The following CEP85 variants were observed in gnomAD, a reference collection of about 807,000 sequenced individuals.
CEP85 encodes the protein centrosomal protein of 85 kDa.
Under a neutral mutation model 93.7 loss-of-function variants are expected in CEP85, and 58 were observed. The observed-to-expected ratio is 0.62, with a 90% CI of 0.50 to 0.77. The LOEUF is 0.77. Among genes scored for constraint, CEP85 ranks in the 30% least tolerant of loss-of-function variants. The pLI is 0.00. For synonymous variants in CEP85, 314 were observed against 338.6 expected (o/e 0.93, Z 0.80); for missense variants, 868 against 922.0 (o/e 0.94, Z 0.76).
rs545783861 is a variant in CEP85 at position 26,271,048 on chromosome 1, G to A, written c.1684G>A (p.Gly562Arg). 3 of 1,613,538 alleles carry A rather than the reference G, an allele frequency of 1.9e-6. No homozygotes were observed. The East Asian group carries it at 6.7e-5, about 36-fold the overall frequency. The change falls in exon 10 of 14, where the codon GGA (glycine) becomes AGA (arginine). Residue 562 changes from glycine (G) to arginine (R), a missense_variant. Physicochemically the swap from Gly to Arg is moderately radical, Grantham distance 125. Transcript: ENST00000451429. The stretch of plus-strand genomic sequence containing the variant: ...TAAACAGTCTGTGGAGGAGACCAGT[G>A]GAGAAGGTCCAGAAGTGGAAATGGA... Reference protein sequence around the residue: ...QDKQSVEETSGEGPEVEMESW... With the variant: ...QDKQSVEETSREGPEVEMESW...
At chr1:26,255,122 A>C (rs1431916932) in intron 3 of CEP85, 49 bp from the exon 4 acceptor site, 1 of 1,488,320 alleles carries the variant, frequency 6.7e-7, no homozygotes, top group Non-Finnish European at 9.3e-7. Flanking sequence ...CAAACTCAAG[A>C]AAGCTTGCTA....
Position 26,239,695 on chromosome 1 carries a change from T to G in CEP85, c.-22-67T>G. ...TATGGTTTTGACAGTTTCAGTTGAA[T>G]GGGAACTGAGTTGCGGGGAATTAAA... On this transcript the variant is annotated intron_variant, in intron 1 of 13. Coordinates refer to ENST00000451429, the MANE Select transcript of CEP85 (RefSeq NM_001319944.2). 5 of 976,482 alleles carry G rather than the reference T, an allele frequency of 5.1e-6. No homozygotes were observed. The South Asian group carries it at 6.4e-5, about 13-fold the overall frequency. The allele number at this position is 976,482 out of a possible 1,614,324, so 60.5% of individuals were successfully genotyped here. A position where few individuals can be genotyped will look rare whatever the true frequency, so the allele number is the denominator to read the frequency against.
intron 7 of CEP85, among the ~76,000 whole-genome samples, chr1:26,262,517 C>A (rs1363367349): frequency 2.0e-5 from 3 of 150,656 alleles, no homozygotes; most frequent in African/African-American, 7.3e-5. Context: ...AGGCGGGGGG[C>A]GGGGGATGTG....
chr1:26,249,031 C>T (rs2089559863), intron 3 of CEP85, among the ~76,000 whole-genome samples: 2 of 151,398 alleles, frequency 1.3e-5, no homozygotes, highest in Admixed American at 6.6e-5. Context: ...CAGGCCTAGA[C>T]ATTTTTTAAA....
Position 26,257,696 on chromosome 1 carries a change from C to T in CEP85, c.1003C>T (p.His335Tyr), listed in dbSNP as rs772525914. The T allele has an allele frequency of 1.2e-6, 2 of 1,614,150 alleles. No homozygotes were observed. The highest frequency in any genetic ancestry group is 2.7e-5 in the African/African-American group (2 of 75,032). The change falls in exon 5 of 14, where the codon CAC (histidine) becomes TAC (tyrosine). Residue 335 changes from histidine to tyrosine, a missense_variant. Transcript: ENST00000451429. The stretch of plus-strand genomic sequence containing the variant: ...GATCAGCATCTTGAACAGTAATGAA[C>T]ACCTTCTGAAGGAAAAAGAGCTTCT... ...QWISILNSNE[H>Y]LLKEKELLID...
At chr1:26,238,846 G>A (rs749005722) in intron 1 of CEP85, among the ~76,000 whole-genome samples, 1 of 152,162 alleles carries the variant, frequency 6.6e-6, no homozygotes, top group African/African-American at 2.4e-5. Context: ...TACCCCTAGT[G>A]TACTGTAAAT....
intron 11 of CEP85, chr1:26,272,342 A>G (rs939287181): frequency 2.2e-5 from 10 of 448,946 alleles, no homozygotes; most frequent in Non-Finnish European, 4.0e-5. Context: ...AGGTTTCTGG[A>G]GATCCTGAAC....
chr1:26,254,393 C>T lies in CEP85; in HGVS notation c.209-778C>T, dbSNP rs537480533. Among the ~76,000 whole-genome samples, 18 of 148,192 alleles carry T rather than the reference C, an allele frequency of 1.2e-4. No homozygotes were observed. In the East Asian group the frequency reaches 3.5e-3, roughly 29 times the overall value. ...TTGTCTCCCAAGACCAGGCAGGAGC[C>T]AAAGGAAACACAAATTCAGTCTGAA... On this transcript the variant is annotated intron_variant, in intron 3 of 13. Coordinates refer to ENST00000451429, the MANE Select transcript of CEP85 (RefSeq NM_001319944.2).
intron 1 of CEP85, among the ~76,000 whole-genome samples, chr1:26,237,428 A>G (rs1310459250): frequency 2.0e-5 from 3 of 152,122 alleles, no homozygotes; most frequent in African/African-American, 7.2e-5. Flanking sequence ...GGATTTGCCT[A>G]TTCTGACATT....
In CEP85 at chr1:26,277,188, G is replaced by A. The variant is rs752911974; in HGVS notation, c.2181G>A (p.Arg727=). The A allele has an allele frequency of 1.2e-6, 2 of 1,614,176 alleles. No individual in the cohort carries two copies. The highest frequency in any genetic ancestry group is 1.7e-6 in the Non-Finnish European group (2 of 1,179,996). The change falls in exon 14 of 14, where the codon AGG becomes AGA. Residue 727 remains arginine, a synonymous_variant. Transcript: ENST00000451429. ...TGCAGAAGCCAGATGTGATCAAGAG[G>A]AAACTAGAAGAGGTTCAACAGCTGC... ...LDLQKPDVIK[R]KLEEVQQLRR...
intron 7 of CEP85, 89 bp from the exon 8 acceptor site, chr1:26,268,394 G>A (rs2089923169): frequency 2.1e-6 from 3 of 1,460,436 alleles, no homozygotes; most frequent in Admixed American, 1.8e-5. Flanking sequence ...GGAGGTGGAG[G>A]CTGCAGTCAG....
intron 2 of CEP85, among the ~76,000 whole-genome samples, chr1:26,241,540 G>A (rs2089426439): frequency 6.6e-6 from 1 of 151,904 alleles, no homozygotes; most frequent in Non-Finnish European, 1.5e-5. Flanking sequence ...CACTGCACCC[G>A]GCCTCAGGAA....
chr1:26,267,786 G>A (rs767731278), intron 7 of CEP85, among the ~76,000 whole-genome samples: 4 of 152,146 alleles, frequency 2.6e-5, no homozygotes, highest in African/African-American at 4.8e-5. Context: ...TCAATCACCC[G>A]TCCCTCTGCC....
Position 26,275,079 on chromosome 1 carries a change from A to G in CEP85, c.1902+8A>G, listed in dbSNP as rs11577318. 0.18 allele frequency: 274,019 copies of G among 1,557,316 alleles called. 25,162 individuals carry two copies. Among genetic ancestry groups the G allele is most frequent in the Non-Finnish European group, 0.19 (215,425 of 1,149,468 alleles). On this transcript the variant is annotated splice_region_variant and intron_variant, in intron 12 of 13. Transcript: ENST00000451429. ...CGCACAGCCGTGAAGGAGGTGAGCA[A>G]CATTAGTCAGACCTCTTGGTTTTGC...
At chr1:26,237,588 T>TTAGC (rs1456384163) in intron 1 of CEP85, among the ~76,000 whole-genome samples, 1 of 152,248 alleles carries the variant, frequency 6.6e-6, no homozygotes. Flanking sequence ...TATCCATTCA[T>TTAGC]TAGCTCATGG....
chr1:26,257,104 G>T (rs1474333255), intron 4 of CEP85, among the ~76,000 whole-genome samples: 1 of 151,974 alleles, frequency 6.6e-6, no homozygotes, highest in Non-Finnish European at 1.5e-5. Flanking sequence ...CTAATTTTTT[G>T]TATTTTTTAT....
In CEP85 at chr1:26,277,152, T is replaced by G; in HGVS notation, c.2145T>G (p.Thr715=). Residue 715 remains threonine (T), a synonymous_variant, in exon 14 of 14, where the codon ACT becomes ACG. Coordinates refer to ENST00000451429, the MANE Select transcript of CEP85 (RefSeq NM_001319944.2). ...LLGIHSQHPE[T]QLDLQKPDVI... is the part of the protein sequence containing the mutation. ...CCCCAGCAGCACAGCACCCAGAGACTCAGCTAGATTTGCAGAAGCCAGATG... is the reference window on the plus strand; with the variant it reads ...CCCCAGCAGCACAGCACCCAGAGACGCAGCTAGATTTGCAGAAGCCAGATG... 1 of 1,613,720 alleles carries G rather than the reference T, an allele frequency of 6.2e-7. No individual in the cohort carries two copies. The highest frequency in any genetic ancestry group is 1.1e-5 in the South Asian group (1 of 91,076).
chr1:26,247,691 A>C (rs1402727663), intron 3 of CEP85, among the ~76,000 whole-genome samples: 1 of 152,168 alleles, frequency 6.6e-6, no homozygotes, highest in East Asian at 1.9e-4. Context: ...CCCAGGCTTG[A>C]GTGCAATGGC....
intron 4 of CEP85, among the ~76,000 whole-genome samples, chr1:26,256,600 CTT>C (rs771960691): frequency 0.19 from 23,451 of 126,728 alleles, 2,405 homozygotes; most frequent in African/African-American, 0.32. Flanking sequence ...TTTGTATTTT[CTT>C]TTTTTTTTTT....
Sources: gnomAD v4.1 joint callset for allele counts (sites outside exome capture counted in the v4.1 genomes callset) on GRCh38, gnomAD v4.1.1 for gene constraint, MANE v1.5 for transcripts, NCBI Gene and HGNC (gene_info 2026-07-23, HGNC 2026-07-21) for gene names.